Variants in CACNA2D4 observed in about 807,000 individuals in gnomAD.
The protein encoded by CACNA2D4 is voltage-dependent calcium channel subunit alpha-2/delta-4.
CACNA2D4 carries 157 observed loss-of-function variants against 163.8 expected under a neutral mutation model. The observed-to-expected ratio is 0.96, with a 90% confidence interval of 0.84 to 1.09. The LOEUF (loss-of-function observed/expected upper bound fraction) is 1.09. CACNA2D4 is among the 50% of genes least tolerant of loss of function. CACNA2D4 has a pLI of 0.00. For missense variants in CACNA2D4, 1,410 were observed against 1,479.9 expected (o/e 0.95, Z 0.78); for synonymous variants, 598 against 586.9 (o/e 1.02, Z -0.27).
chr12:1,882,870 G>C lies in CACNA2D4; in HGVS notation c.1482C>G (p.Ser494Arg). ...DIIWTEAYMD[S>R]KLLSSQAQSL... ...TGGGAGCTGCTGCCAGGCTCACCTT[G>C]CTGTCCATGTAGGCCTCTGTCCAGA... Residue 494 changes from serine to arginine, a missense_variant, in exon 13 of 38, where the codon AGC becomes AGG. Transcript: ENST00000382722. 6.2e-7 allele frequency: 1 copy of C among 1,613,728 alleles called. No individual in the cohort carries two copies. Among genetic ancestry groups the C allele is most frequent in the Non-Finnish European group, 8.5e-7 (1 of 1,179,754 alleles).
chr12:1,869,100 C>T lies in CACNA2D4; in HGVS notation c.1878+5504G>A, dbSNP rs143381585. On this transcript the variant is annotated intron_variant, in intron 18 of 37. Transcript: ENST00000382722. This position sits in a 1 kb window ranked among gnomAD's most constrained non-coding sequence, Gnocchi z 4.7. ...GTTGTGCACCTTAAATATATACAAT[C>T]GAAAAGCAGGTCTAAAGCAAGAAAA... Among the ~76,000 whole-genome samples the T allele has an allele frequency of 9.9e-5, 15 of 152,236 alleles. No homozygotes were observed. Among genetic ancestry groups the T allele is most frequent in the East Asian group, 7.7e-4 (4 of 5,190 alleles).
intron 22 of CACNA2D4, among the ~76,000 whole-genome samples, chr12:1,855,521 C>G (rs1460549848): frequency 6.6e-6 from 1 of 152,180 alleles, no homozygotes; most frequent in Admixed American, 6.5e-5. Context: ...ACCTGGGGCT[C>G]CTAGACCTGG....
At position 1,797,500 on chromosome 12, in the gene CACNA2D4, A is replaced by G; in HGVS notation, c.3031T>C (p.Cys1011Arg). The change falls in exon 35 of 38, where the codon TGC becomes CGC. Residue 1011 changes from cysteine to arginine, a missense_variant. By Grantham distance (180) the Cys-to-Arg change is radical (BLOSUM62 -3). Coordinates refer to ENST00000382722, the MANE Select transcript of CACNA2D4 (RefSeq NM_172364.5). ...KHKKQDPLQP[C>R]DTEYPVFVYQ... ...ACGAACACGGGGTACTCCGTGTCGC[A>G]GGGCTGCAGCGGGTCCTGCTTCTTG... 1 of 1,582,826 alleles carries G rather than the reference A, an allele frequency of 6.3e-7. No individual in the cohort carries two copies. Among genetic ancestry groups the G allele is most frequent in the East Asian group, 2.3e-5 (1 of 43,248 alleles).
intron 20 of CACNA2D4, among the ~76,000 whole-genome samples, chr12:1,856,684 T>C (rs892758287): frequency 3.9e-5 from 6 of 152,216 alleles, no homozygotes; most frequent in African/African-American, 1.4e-4. Context: ...GATTTTGGCT[T>C]CATTGGCTTC....
chr12:1,878,967 G>A lies in CACNA2D4; in HGVS notation c.1633C>T (p.Pro545Ser), dbSNP rs199622453. 92 of 1,613,786 alleles carry A rather than the reference G, an allele frequency of 5.7e-5. No homozygotes were observed. The African/African-American group carries it at 1.1e-3, about 19-fold the overall frequency. The change falls in exon 15 of 38, where the codon CCC (proline) becomes TCC (serine). Residue 545 changes from proline (P) to serine (S), a missense_variant. Transcript: ENST00000382722. The surrounding 1 kb of genome is among the most constrained non-coding windows in gnomAD (Gnocchi z 4.6). The part of the protein sequence containing the change: ...VALRELMKLA[P>S]RYKLGVHGYA... ...AGACCCAGGCTCACCTTGTACCGGG[G>A]CGCCAGCTTCATCAGCTCTCTCAGG...
chr12:1,840,966 T>C (rs1417467983), intron 25 of CACNA2D4, 147 bp from the exon 26 acceptor site: 2 of 720,078 alleles, frequency 2.8e-6, no homozygotes, highest in East Asian at 5.4e-5. Flanking sequence ...ACAGGGGTTG[T>C]GTTTGGAGAA....
At chr12:1,794,830 C>A (rs565488526) in intron 37 of CACNA2D4, among the ~76,000 whole-genome samples, 199 of 152,320 alleles carry the variant, frequency 1.3e-3, no homozygotes, top group African/African-American at 4.3e-3. Context: ...CAGTCTCCAG[C>A]CCCCTTCCTT....
rs76097273 is a variant in CACNA2D4 at position 1,869,156 on chromosome 12, G to A, written c.1878+5448C>T. Among the ~76,000 whole-genome samples the A allele has an allele frequency of 7.2e-3, 1,089 of 152,270 alleles. 12 individuals carry two copies. Among genetic ancestry groups the A allele is most frequent in the African/African-American group, 0.025 (1,024 of 41,540 alleles). On this transcript the variant is annotated intron_variant, in intron 18 of 37. Coordinates refer to ENST00000382722, the MANE Select transcript of CACNA2D4 (RefSeq NM_172364.5). The surrounding 1 kb of genome is among the most constrained non-coding windows in gnomAD (Gnocchi z 4.7). ...CCTGTTTGGTTCTTATAATGATTTT[G>A]TACTGTGTCAAATTAGCTAAGCTGG...
At chr12:1,811,808 T>G in intron 26 of CACNA2D4, 85 bp from the exon 27 acceptor site, 1 of 1,321,696 alleles carries the variant, frequency 7.6e-7, no homozygotes, top group South Asian at 1.3e-5. Flanking sequence ...AGGAGGTGCT[T>G]CCGCAGGAAC....
chr12:1,827,275 T>TG lies in CACNA2D4; in HGVS notation c.2551+13463dup, dbSNP rs35473074. 9.2e-3 allele frequency: 1,396 copies of TG among 151,996 alleles called. 28 individuals are homozygous for TG. Among genetic ancestry groups the TG allele is most frequent in the South Asian group, 0.013 (61 of 4,812 alleles). 9.4% of individuals were successfully genotyped at this position (151,996 alleles called of 1,614,324 possible). A position where few individuals can be genotyped will look rare whatever the true frequency, so the allele number is the denominator to read the frequency against. ...AGCCTGTGTCCCAGTTGGGAGACAC[T>TG]GGGGGGGGCAGACCCTAGAAAGGGT... On this transcript the variant is annotated intron_variant, in intron 26 of 37. Transcript: ENST00000382722.
At position 1,797,484 on chromosome 12, in the gene CACNA2D4, G is replaced by T. The variant is rs866897202; in HGVS notation, c.3047C>A (p.Pro1016His). 6.3e-7 allele frequency: 1 copy of T among 1,586,362 alleles called. No individual in the cohort carries two copies. Among genetic ancestry groups the T allele is most frequent in the African/African-American group, 1.3e-5 (1 of 74,626 alleles). The change falls in exon 35 of 38, where the codon CCC (proline) becomes CAC (histidine). Residue 1016 changes from proline (P) to histidine (H), a missense_variant. Physicochemically the swap from Pro to His is moderately conservative, Grantham distance 77 (BLOSUM62 -2). Coordinates refer to ENST00000382722, the MANE Select transcript of CACNA2D4 (RefSeq NM_172364.5). ...GATGGCCGGCTGGTACACGAACACG[G>T]GGTACTCCGTGTCGCAGGGCTGCAG... is the stretch of plus-strand genomic sequence containing the variant. ...DPLQPCDTEY[P>H]VFVYQPAIRE...
intron 2 of CACNA2D4, among the ~76,000 whole-genome samples, chr12:1,913,847 G>A (rs1477565579): frequency 1.3e-5 from 2 of 152,246 alleles, no homozygotes; most frequent in Non-Finnish European, 2.9e-5. Flanking sequence ...TTCCTCATCT[G>A]TAAGATGTGA....
intron 1 of CACNA2D4, among the ~76,000 whole-genome samples, chr12:1,916,650 T>C (rs567784417): frequency 3.3e-5 from 5 of 152,020 alleles, no homozygotes; most frequent in East Asian, 1.9e-4. Context: ...GCCACGGAAG[T>C]CAAGGACTGG....
intron 4 of CACNA2D4, among the ~76,000 whole-genome samples, chr12:1,909,469 C>T (rs898683784): frequency 1.3e-5 from 2 of 152,272 alleles, no homozygotes; most frequent in Non-Finnish European, 2.9e-5. Flanking sequence ...GCTGGGATTA[C>T]AGGCGTGAGC....
rs926232648 is a variant in CACNA2D4, at chr12:1,828,685, C to T, written c.2551+12054G>A. Among the ~76,000 whole-genome samples, 1 of 152,208 alleles carries T rather than the reference C, an allele frequency of 6.6e-6. No individual in the cohort carries two copies. Among genetic ancestry groups the T allele is most frequent in the Non-Finnish European group, 1.5e-5 (1 of 68,046 alleles). On this transcript the variant is annotated intron_variant, in intron 26 of 37. Coordinates refer to ENST00000382722, the MANE Select transcript of CACNA2D4 (RefSeq NM_172364.5). This position sits in a 1 kb window ranked among gnomAD's most constrained non-coding sequence, Gnocchi z 4.2. ...TCAGCTTGGAGATGTCTCTTATGCT[C>T]CTTATGCCTCCGCTTTCCCAACTCT...
At chr12:1,811,877 G>A (rs1863724743) in intron 26 of CACNA2D4, 154 bp from the exon 27 acceptor site, 2 of 661,132 alleles carry the variant, frequency 3.0e-6, no homozygotes, top group Admixed American at 2.8e-5. Flanking sequence ...TGCAAACTGG[G>A]GTTTCTGGGG....
At chr12:1,901,057 C>A (rs1037241001) in intron 6 of CACNA2D4, among the ~76,000 whole-genome samples, 3 of 151,982 alleles carry the variant, frequency 2.0e-5, no homozygotes, top group Admixed American at 2.0e-4. Flanking sequence ...ATTTTGAAAA[C>A]TATACAGAAA....
rs182640073 is a variant in CACNA2D4, at chr12:1,829,185, G to A, written c.2551+11554C>T. On this transcript the variant is annotated intron_variant, in intron 26 of 37. Transcript: ENST00000382722. The surrounding 1 kb of genome is among the most constrained non-coding windows in gnomAD (Gnocchi z 4.2). ...AGGGAGGTGGGGGGCGCAGGGAGTC[G>A]CTCTTCCGCAGCGGCTCTCTTAGCC... Among the ~76,000 whole-genome samples the A allele has an allele frequency of 1.9e-4, 29 of 152,286 alleles. No homozygotes were observed. The highest frequency in any genetic ancestry group is 4.1e-4 in the South Asian group (2 of 4,826).
intron 6 of CACNA2D4, among the ~76,000 whole-genome samples, chr12:1,896,257 G>C (rs1592741568): frequency 6.6e-6 from 1 of 152,110 alleles, no homozygotes; most frequent in African/African-American, 2.4e-5. Context: ...AAGCTAAAAA[G>C]CTTCTGCACA....
Sources: allele counts gnomAD v4.1 joint callset (sites outside exome capture counted in the v4.1 genomes callset), GRCh38; gene constraint gnomAD v4.1.1; non-coding constraint Gnocchi (gnomAD v3.1); transcripts MANE v1.5; gene names NCBI Gene and HGNC (gene_info 2026-07-23, HGNC 2026-07-21).